ZNF550: variants seen among roughly 807,000 people sequenced by gnomAD.
The protein encoded by ZNF550 is zinc finger protein 550.
A neutral mutation model predicts 40.2 loss-of-function variants in ZNF550; 42 were observed. The ratio of observed to expected loss-of-function variants is 1.05; its 90% CI spans 0.82 to 1.35. The LOEUF (loss-of-function observed/expected upper bound fraction) is 1.35. Among genes scored for constraint, ZNF550 ranks in the 40% most tolerant of loss-of-function variants. The pLI, the probability that ZNF550 is intolerant of heterozygous loss-of-function variation, is 0.00. For missense variants in ZNF550, 549 were observed against 525.2 expected (o/e 1.05, Z -0.44); for synonymous variants, 223 against 198.6 (o/e 1.12, Z -1.03).
chr19:57,544,308 G>A, intron 4 of ZNF550: 1 of 985,440 alleles, frequency 1.0e-6, no homozygotes, highest in Non-Finnish European at 1.2e-6. Flanking sequence ...GAAAGAGCTG[G>A]AAGCTAAGAA....
chr19:57,558,456 C>T (rs1177102640), intron 1 of ZNF550, among the ~76,000 whole-genome samples: 1 of 152,176 alleles, frequency 6.6e-6, no homozygotes. Context: ...CCTATTCAAT[C>T]ATCAACCATT....
At chr19:57,543,160 A>G in exon 5 of ZNF550, 2 of 836,784 alleles carry the variant, frequency 2.4e-6, no homozygotes, top group Non-Finnish European at 2.9e-6. Flanking sequence ...TGCTTCTTTC[A>G]TTTCCTTCGG....
In ZNF550 at chr19:57,556,353, A is replaced by G; in HGVS notation, c.32T>C (p.Leu11Ser). Residue 11 changes from leucine to serine, a missense_variant, in exon 2 of 5, where the codon TTG becomes TCG. By Grantham distance (145) the Leu-to-Ser change is moderately radical. Transcript: ENST00000457177. ...CACAGCCACATCCTTGAAGGTCACC[A>G]ACATCTGGAAAGTCAAACAGAAGTA... 3.7e-6 allele frequency: 6 copies of G among 1,612,484 alleles called. No individual in the cohort carries two copies. The Admixed American group carries it at 1.0e-4, about 27-fold the overall frequency.
exon 5 of ZNF550, chr19:57,543,180 T>A: frequency 2.2e-6 from 2 of 928,266 alleles, no homozygotes; most frequent in Non-Finnish European, 2.6e-6. Flanking sequence ...GTGTTGTAGT[T>A]CTATTATGTT....
At chr19:57,555,059 C>G (rs1414247228) in intron 2 of ZNF550, 1 of 152,190 alleles carries the variant, frequency 6.6e-6, no homozygotes, top group Admixed American at 6.5e-5. Flanking sequence ...TCAGAGTGTG[C>G]CATCAATTCT....
chr19:57,544,651 C>A, intron 4 of ZNF550: 1 of 976,212 alleles, frequency 1.0e-6, no homozygotes, highest in Non-Finnish European at 1.2e-6. Flanking sequence ...GCAAAAGGAC[C>A]ACAGTAAAAG....
chr19:57,551,863 G>C (rs191407107), intron 3 of ZNF550, among the ~76,000 whole-genome samples: 1 of 152,198 alleles, frequency 6.6e-6, no homozygotes, highest in Non-Finnish European at 1.5e-5. Flanking sequence ...AGGGCAAGAG[G>C]GGCAGGAAGA....
At chr19:57,544,572 G>C (rs1396667992) in intron 4 of ZNF550, 1 of 985,148 alleles carries the variant, frequency 1.0e-6, no homozygotes, top group African/African-American at 1.7e-5. Context: ...AGAGGAAACT[G>C]TGCACTCTGT....
At chr19:57,550,363 T>C (rs890330960) in intron 3 of ZNF550, among the ~76,000 whole-genome samples, 3 of 152,228 alleles carry the variant, frequency 2.0e-5, no homozygotes, top group African/African-American at 4.8e-5. Flanking sequence ...CTAAATATTA[T>C]GGAAAATAGT....
chr19:57,542,091 G>GA (rs1196443572), exon 5 of ZNF550: 1 of 151,656 alleles, frequency 6.6e-6, no homozygotes, highest in Non-Finnish European at 1.5e-5. Flanking sequence ...GACAGAAGAG[G>GA]AAAAACAAAA....
At chr19:57,544,105 G>C in intron 4 of ZNF550, 1 of 985,342 alleles carries the variant, frequency 1.0e-6, no homozygotes, top group Non-Finnish European at 1.2e-6. Flanking sequence ...TCCTATATTA[G>C]ACAGTAAGTT....
exon 4 of ZNF550, chr19:57,546,647 A>C: frequency 9.3e-7 from 1 of 1,075,480 alleles, no homozygotes. Context: ...GACTGTCCTT[A>C]ATAGTTATAT....
chr19:57,551,657 T>G (rs1356132573), intron 3 of ZNF550, among the ~76,000 whole-genome samples: 2 of 151,986 alleles, frequency 1.3e-5, no homozygotes, highest in Non-Finnish European at 2.9e-5. Flanking sequence ...CTGAGACACT[T>G]AAGTGGAGAT....
intron 2 of ZNF550, chr19:57,553,723 T>C (rs1779020470): frequency 6.6e-6 from 1 of 151,658 alleles, no homozygotes; most frequent in Admixed American, 6.6e-5. Flanking sequence ...CTAACAAATC[T>C]AAATCATTGC....
At chr19:57,544,428 A>G (rs1246146466) in intron 4 of ZNF550, 1 of 985,300 alleles carries the variant, frequency 1.0e-6, no homozygotes, top group Admixed American at 6.2e-5. Flanking sequence ...ATATGTTTCT[A>G]GAGGGGTTTC....
exon 5 of ZNF550, chr19:57,542,699 C>T (rs1268246676): frequency 6.6e-6 from 1 of 152,174 alleles, no homozygotes; most frequent in Admixed American, 6.5e-5. Flanking sequence ...AACCCAGACA[C>T]TTCTTACTAG....
In ZNF550 at chr19:57,554,267, T is replaced by G. The variant is rs1338264455; in HGVS notation, c.155-1545A>C. 1.3e-5 allele frequency: 2 copies of G among 152,204 alleles called. No homozygotes were observed. The highest frequency in any genetic ancestry group is 4.8e-5 in the African/African-American group (2 of 41,442). The allele number at this position is 152,204 out of a possible 1,614,324, so 9.4% of individuals were successfully genotyped here. Reference sequence around the variant, plus strand: ...CAGGTGACCAAAGCTGGATTCTCATTGTGAAAAGAAAGCATTTATTCCAAG... The same window carrying G: ...CAGGTGACCAAAGCTGGATTCTCATGGTGAAAAGAAAGCATTTATTCCAAG... On this transcript the variant is annotated intron_variant, in intron 2 of 4. Transcript: ENST00000457177. This position sits in a 1 kb window ranked among gnomAD's most constrained non-coding sequence, Gnocchi z 4.5.
In ZNF550 at chr19:57,556,172, T is replaced by C. The variant is rs1316984424; in HGVS notation, c.154+59A>G. Reference sequence around the variant, plus strand: ...AAAGGTGGGCAGTTCCAGTGACCTTTTTGCCTGGCCAAGAATCAGGGTTAG... The same window carrying C: ...AAAGGTGGGCAGTTCCAGTGACCTTCTTGCCTGGCCAAGAATCAGGGTTAG... On this transcript the variant is annotated intron_variant, in intron 2 of 4. Transcript: ENST00000457177. The C allele has an allele frequency of 4.3e-6, 7 of 1,612,336 alleles. No individual in the cohort carries two copies. In the East Asian group the frequency reaches 1.6e-4, roughly 36 times the overall value.
intron 3 of ZNF550, chr19:57,552,353 T>G: frequency 2.1e-6 from 1 of 478,352 alleles, no homozygotes; most frequent in East Asian, 3.1e-5. Flanking sequence ...TGGGTATGAC[T>G]TCTCCCCTTC....
Sources: allele counts gnomAD v4.1 joint callset (sites outside exome capture counted in the v4.1 genomes callset), GRCh38; gene constraint gnomAD v4.1.1; non-coding constraint Gnocchi (gnomAD v3.1); transcripts MANE v1.5; gene names NCBI Gene and HGNC (gene_info 2026-07-23, HGNC 2026-07-21).